The following SCIN variants were observed in gnomAD, a reference collection of about 807,000 sequenced individuals.
SCIN encodes adseverin.
A neutral mutation model predicts 91.8 loss-of-function variants in SCIN; 91 were observed. That is an observed-to-expected ratio of 0.99 (90% CI 0.84 to 1.18). The LOEUF is 1.18. SCIN is among the 50% of genes most tolerant of loss of function. The probability of loss-of-function intolerance (pLI) is 0.00; values close to 1 mark genes in which losing one functional copy is unlikely to be tolerated. For missense variants in SCIN, 1,087 were observed against 863.9 expected (o/e 1.26, Z -3.24); for synonymous variants, 367 against 312.6 (o/e 1.17, Z -1.84).
chr7:12,595,085 C>T (rs1187120955), intron 3 of SCIN, among the ~76,000 whole-genome samples: 1 of 151,926 alleles, frequency 6.6e-6, no homozygotes, highest in Non-Finnish European at 1.5e-5. Flanking sequence ...GAGCCTATCC[C>T]CTTCCTGGGT....
At position 12,578,149 on chromosome 7, in the gene SCIN, G is replaced by C; in HGVS notation, c.285G>C (p.Gln95His). 1 of 1,551,482 alleles carries C rather than the reference G, an allele frequency of 6.4e-7. No individual in the cohort carries two copies. The highest frequency in any genetic ancestry group is 1.2e-5 in the South Asian group (1 of 83,944). The stretch of plus-strand genomic sequence containing the variant: ...ACTATTTGGGTGGCAAGCCAGTGCA[G>C]AATAGAGAACTTCAAGGATATGAGT... ...MDDYLGGKPV[Q>H]NRELQGYESN... The change falls in exon 2 of 16, where the codon CAG becomes CAC. Residue 95 changes from glutamine (Q) to histidine (H), a missense_variant. Transcript: ENST00000297029.
At chr7:12,638,920 G>A (rs535474276) in intron 10 of SCIN, among the ~76,000 whole-genome samples, 6 of 152,190 alleles carry the variant, frequency 3.9e-5, no homozygotes, top group Non-Finnish European at 7.4e-5. Flanking sequence ...ATGAAGACAT[G>A]CATTGTCTTA....
In SCIN at chr7:12,654,495, C is replaced by CAA. The variant is rs1175867103; in HGVS notation, c.*1781_*1782insAA. 1 of 152,076 alleles carries CAA rather than the reference C, an allele frequency of 6.6e-6. No homozygotes were observed. The highest frequency in any genetic ancestry group is 1.5e-5 in the Non-Finnish European group (1 of 68,006). The allele number at this position is 152,076 out of a possible 1,614,324, so 9.4% of individuals were successfully genotyped here. A position where few individuals can be genotyped will look rare whatever the true frequency, so the allele number is the denominator to read the frequency against. ...ATGCAACAAAAATGATGTAAGTAGA[C>CAA]ATTTAACATTTCTAGGAATGTAATT... On this transcript the variant is annotated 3_prime_UTR_variant, in exon 16 of 16. Coordinates refer to ENST00000297029, the MANE Select transcript of SCIN (RefSeq NM_001112706.3).
rs1388891518 is a variant in SCIN, at chr7:12,621,645, T to G, written c.667-1156T>G. ...TGGTCACAAGTGTTTTAGTTTTTTT[T>G]TTTTTTTTTTTTGCTTGATTCTATT... On this transcript the variant is annotated intron_variant, in intron 4 of 15. Transcript: ENST00000297029. Among the ~76,000 whole-genome samples the G allele has an allele frequency of 6.3e-4, 95 of 150,454 alleles. 1 individual carries two copies. The Middle Eastern group carries it at 0.01, about 16-fold the overall frequency.
intron 4 of SCIN, among the ~76,000 whole-genome samples, chr7:12,620,344 T>G (rs1221297342): frequency 6.6e-6 from 1 of 152,158 alleles, no homozygotes; most frequent in Admixed American, 6.6e-5. Flanking sequence ...TCACCAACAT[T>G]TCTCCATTTC....
intron 5 of SCIN, 148 bp downstream of exon 5, chr7:12,623,041 C>T: frequency 3.9e-6 from 2 of 514,468 alleles, no homozygotes; most frequent in South Asian, 8.7e-5. Flanking sequence ...GTTCTTTGCT[C>T]TTGTATGTTT....
chr7:12,598,891 AAGCCAGACT>A (rs1782898297), intron 3 of SCIN, among the ~76,000 whole-genome samples: 1 of 152,160 alleles, frequency 6.6e-6, no homozygotes, highest in African/African-American at 2.4e-5. Context: ...CTAGGTGACA[AAGCCAGACT>A]CTGTCTCAAA....
rs1287093701 is a variant in SCIN, at chr7:12,625,764, A to G, written c.895A>G (p.Lys299Glu). Residue 299 changes from lysine to glutamate, a missense_variant and splice_region_variant, in exon 7 of 16, where the codon AAA becomes GAA. Lys to Glu is a moderately conservative substitution (Grantham distance 56). Transcript: ENST00000297029. The part of the protein sequence containing the change: ...AAKQIFVWKG[K>E]DANPQERKAA... ...CTTTAATTTACCTTGTATTTTAGGTAAAGATGCTAATCCCCAAGAGAGGAA... is the reference window on the plus strand; with the variant it reads ...CTTTAATTTACCTTGTATTTTAGGTGAAGATGCTAATCCCCAAGAGAGGAA... 8 of 1,601,516 alleles carry G rather than the reference A, an allele frequency of 5.0e-6. No homozygotes were observed. In the South Asian group the frequency reaches 7.8e-5, roughly 16 times the overall value.
chr7:12,648,243 A>C (rs1296688588), intron 13 of SCIN, among the ~76,000 whole-genome samples: 1 of 151,966 alleles, frequency 6.6e-6, no homozygotes, highest in Admixed American at 6.6e-5. Flanking sequence ...ATCTTATTGA[A>C]ATTTTTTGAT....
rs1784223381 is a variant in SCIN at position 12,659,391 on chromosome 7, G to A, written c.*6676G>A. 1 of 152,188 alleles carries A rather than the reference G, an allele frequency of 6.6e-6. No individual in the cohort carries two copies. The highest frequency in any genetic ancestry group is 1.5e-5 in the Non-Finnish European group (1 of 68,046). The allele number at this position is 152,188 out of a possible 1,614,324, so 9.4% of individuals were successfully genotyped here. On this transcript the variant is annotated 3_prime_UTR_variant, in exon 16 of 16. Coordinates refer to ENST00000297029, the MANE Select transcript of SCIN (RefSeq NM_001112706.3). ...TGAACAGCACCTTCAAAAACCAGAA[G>A]CCAGAAATCAGGTAGCTAGATTTGT...
intron 9 of SCIN, among the ~76,000 whole-genome samples, chr7:12,634,850 C>T (rs1783714592): frequency 6.6e-6 from 1 of 152,166 alleles, no homozygotes; most frequent in South Asian, 2.1e-4. Flanking sequence ...TGACCCTTAT[C>T]TGAGTGTTGG....
intron 2 of SCIN, among the ~76,000 whole-genome samples, chr7:12,579,599 G>A (rs911218037): frequency 1.3e-5 from 2 of 152,152 alleles, no homozygotes; most frequent in East Asian, 3.9e-4. Flanking sequence ...TACAGGTGTT[G>A]TATTAAGGAA....
chr7:12,593,143 G>A (rs1466620548), intron 3 of SCIN, among the ~76,000 whole-genome samples: 1 of 152,234 alleles, frequency 6.6e-6, no homozygotes, highest in East Asian at 1.9e-4. Flanking sequence ...CATGGGTGGG[G>A]ACATGGCCCC....
At chr7:12,621,637 G>GTTTTTTTTTTTTTTT (rs60697843) in intron 4 of SCIN, among the ~76,000 whole-genome samples, 6 of 106,390 alleles carry the variant, frequency 5.6e-5, no homozygotes, top group Non-Finnish European at 7.5e-5. Context: ...AAGTGTTTTA[G>GTTTTTTTTTTTTTTT]TTTTTTTTTT....
At chr7:12,572,946 T>A (rs895062303) in intron 1 of SCIN, among the ~76,000 whole-genome samples, 1 of 152,004 alleles carries the variant, frequency 6.6e-6, no homozygotes, top group Non-Finnish European at 1.5e-5. Flanking sequence ...ACAGGTAGAA[T>A]GTGATAATTA....
rs184825934 is a variant in SCIN, at chr7:12,597,096, T to C, written c.517-7418T>C. Among the ~76,000 whole-genome samples, 3 of 152,312 alleles carry C rather than the reference T, an allele frequency of 2.0e-5. No individual in the cohort carries two copies. The East Asian group carries it at 5.8e-4, about 29-fold the overall frequency. On this transcript the variant is annotated intron_variant, in intron 3 of 15. Transcript: ENST00000297029. Reference sequence around the variant, plus strand: ...TTTCAATACATACGTAACTGAAGGATATTGAGTTGAGCTGGCTTTGAGGAG... The same window carrying C: ...TTTCAATACATACGTAACTGAAGGACATTGAGTTGAGCTGGCTTTGAGGAG...
chr7:12,581,007 C>T (rs1462317189), intron 2 of SCIN, 53 bp from the exon 3 acceptor site: 3 of 1,524,526 alleles, frequency 2.0e-6, no homozygotes, highest in East Asian at 2.5e-5. Context: ...TAGGCAGACA[C>T]CTCATCAGTT....
At chr7:12,627,077 G>A (rs999441491) in intron 8 of SCIN, among the ~76,000 whole-genome samples, 1 of 137,882 alleles carries the variant, frequency 7.3e-6, no homozygotes, top group African/African-American at 2.7e-5. Context: ...GTGACAGAGT[G>A]AGAAATGTGT....
At chr7:12,630,679 G>A (rs557217757) in intron 9 of SCIN, among the ~76,000 whole-genome samples, 80 of 152,380 alleles carry the variant, frequency 5.3e-4, no homozygotes, top group Middle Eastern at 3.4e-3. Flanking sequence ...CACTGGCAAA[G>A]TGCCAGATGT....
Sources: allele counts gnomAD v4.1 joint callset (sites outside exome capture counted in the v4.1 genomes callset), GRCh38; gene constraint gnomAD v4.1.1; transcripts MANE v1.5; gene names NCBI Gene and HGNC (gene_info 2026-07-23, HGNC 2026-07-21).